The following CHCHD3 variants were observed in gnomAD, a reference collection of about 807,000 sequenced individuals.
CHCHD3 encodes coiled-coil-helix-coiled-coil-helix domain containing 3, also known as MICOS complex subunit MIC19.
A neutral mutation model predicts 38.2 loss-of-function variants in CHCHD3; 20 were observed. That is an observed-to-expected ratio of 0.52 (90% CI 0.37 to 0.76). The LOEUF is 0.76. CHCHD3 is among the 30% of genes least tolerant of loss of function. CHCHD3 has a pLI of 0.00. For synonymous variants in CHCHD3, 82 were observed against 100.0 expected (o/e 0.82, Z 1.07); for missense variants, 245 against 279.2 (o/e 0.88, Z 0.87).
chr7:133,023,789 T>A (rs1009065266), intron 3 of CHCHD3, among the ~76,000 whole-genome samples: 4 of 152,190 alleles, frequency 2.6e-5, no homozygotes, highest in Admixed American at 2.6e-4. Flanking sequence ...CTCGTCAACA[T>A]CTTTTTGAAT....
chr7:133,002,643 C>G (rs957891089), intron 3 of CHCHD3, among the ~76,000 whole-genome samples: 1 of 151,484 alleles, frequency 6.6e-6, no homozygotes, highest in Non-Finnish European at 1.5e-5. Flanking sequence ...TACAACATAG[C>G]TTCAATTTGT....
intron 5 of CHCHD3, among the ~76,000 whole-genome samples, chr7:132,854,297 T>C (rs940399484): frequency 6.6e-6 from 1 of 152,200 alleles, no homozygotes; most frequent in Non-Finnish European, 1.5e-5. Flanking sequence ...TAATAGATTA[T>C]TCATATAATG....
intron 4 of CHCHD3, among the ~76,000 whole-genome samples, chr7:132,940,397 G>C (rs1810735505): frequency 6.6e-6 from 1 of 152,120 alleles, no homozygotes; most frequent in Non-Finnish European, 1.5e-5. Flanking sequence ...ATATAACCAA[G>C]GCCTATCCCT....
At chr7:132,910,513 T>C (rs1809919706) in intron 4 of CHCHD3, among the ~76,000 whole-genome samples, 1 of 152,218 alleles carries the variant, frequency 6.6e-6, no homozygotes, top group South Asian at 2.1e-4. Flanking sequence ...TAGAACAAAG[T>C]ATATTTCTGC....
At chr7:132,787,521 G>A (rs1469951057) in intron 7 of CHCHD3, among the ~76,000 whole-genome samples, 1 of 151,896 alleles carries the variant, frequency 6.6e-6, no homozygotes, top group Non-Finnish European at 1.5e-5. Context: ...GGAAGGAGGA[G>A]GATGACTTAA....
rs2117012705 is a variant in CHCHD3 at position 132,785,478 on chromosome 7, A to G, written c.*159T>C. 2 of 729,618 alleles carry G rather than the reference A, an allele frequency of 2.7e-6. No homozygotes were observed. Among genetic ancestry groups the G allele is most frequent in the Non-Finnish European group, 4.7e-6 (2 of 426,828 alleles). 45.2% of individuals were successfully genotyped at this position (729,618 alleles called of 1,614,324 possible). A position where few individuals can be genotyped will look rare whatever the true frequency, so the allele number is the denominator to read the frequency against. On this transcript the variant is annotated 3_prime_UTR_variant, in exon 8 of 8. Coordinates refer to ENST00000262570, the MANE Select transcript of CHCHD3 (RefSeq NM_017812.4). ...TTGGCCCTTCAAACTGCTGCTGTTC[A>G]AAACGTGAAATGATTCTGCTGAATC...
intron 3 of CHCHD3, among the ~76,000 whole-genome samples, chr7:132,981,574 C>G (rs1212974833): frequency 6.6e-6 from 1 of 152,124 alleles, no homozygotes; most frequent in Non-Finnish European, 1.5e-5. Flanking sequence ...TAAATTATTA[C>G]CACCCCTTTC....
chr7:133,014,428 A>C (rs1212708820), intron 3 of CHCHD3, among the ~76,000 whole-genome samples: 3 of 152,182 alleles, frequency 2.0e-5, no homozygotes, highest in African/African-American at 7.2e-5. Context: ...TATAACTAAC[A>C]ATTGCTCCCA....
Position 133,035,867 on chromosome 7 carries a change from A to G in CHCHD3, c.170-11240T>C, listed in dbSNP as rs1584662644. The stretch of plus-strand genomic sequence containing the variant: ...CCCCGCTGTACTGAGCAGCGATGAG[A>G]GCCTTGAAGGCCCTCCAGTTTTCAG... On this transcript the variant is annotated intron_variant, in intron 2 of 7. Coordinates refer to ENST00000262570, the MANE Select transcript of CHCHD3 (RefSeq NM_017812.4). This position sits in a 1 kb window ranked among gnomAD's most constrained non-coding sequence, Gnocchi z 4.7. The G allele has an allele frequency of 6.2e-7, 1 of 1,613,028 alleles. No individual in the cohort carries two copies.
intron 4 of CHCHD3, chr7:132,972,476 G>C (rs546972299): frequency 1.6e-6 from 1 of 642,168 alleles, no homozygotes; most frequent in South Asian, 6.8e-5. Flanking sequence ...CTGAATTGTA[G>C]TACATTGAGT....
intron 1 of CHCHD3, among the ~76,000 whole-genome samples, chr7:133,072,001 A>T (rs1049319965): frequency 3.2e-4 from 49 of 152,088 alleles, no homozygotes; most frequent in African/African-American, 1.1e-3. Context: ...AAATATTCTA[A>T]AATTGCATTG....
At chr7:133,006,605 A>C (rs547649553) in intron 3 of CHCHD3, among the ~76,000 whole-genome samples, 7 of 152,330 alleles carry the variant, frequency 4.6e-5, no homozygotes, top group African/African-American at 1.7e-4. Flanking sequence ...CAAAGTTTGC[A>C]ACAGTGAGAA....
chr7:132,789,820 G>T (rs1806414922), intron 7 of CHCHD3, among the ~76,000 whole-genome samples: 1 of 152,028 alleles, frequency 6.6e-6, no homozygotes, highest in South Asian at 2.1e-4. Flanking sequence ...AAGCAGGAAG[G>T]TCTACCTAAC....
intron 4 of CHCHD3, among the ~76,000 whole-genome samples, chr7:132,890,114 C>G (rs1369629385): frequency 6.6e-6 from 1 of 152,052 alleles, no homozygotes; most frequent in Non-Finnish European, 1.5e-5. Flanking sequence ...TTAAGTGGAT[C>G]ATTATGGAAA....
Position 132,853,240 on chromosome 7 carries a change from G to A in CHCHD3, c.454-14771C>T, listed in dbSNP as rs77650726. On this transcript the variant is annotated intron_variant, in intron 5 of 7. Transcript: ENST00000262570. ...ATGAGGAGGTGCTCTGATGGTGTAC[G>A]CAAGGCAAAGCATCCTTAAGCTCAA... Among the ~76,000 whole-genome samples the A allele has an allele frequency of 1.6e-4, 24 of 152,250 alleles. No individual in the cohort carries two copies. The East Asian group carries it at 4.2e-3, about 27-fold the overall frequency.
At chr7:132,890,427 G>A (rs747397198) in intron 4 of CHCHD3, among the ~76,000 whole-genome samples, 2 of 152,056 alleles carry the variant, frequency 1.3e-5, no homozygotes, top group East Asian at 3.8e-4. Flanking sequence ...CACACTTTTC[G>A]GCATTACTAC....
intron 1 of CHCHD3, among the ~76,000 whole-genome samples, chr7:133,070,431 A>G: frequency 6.6e-6 from 1 of 152,086 alleles, no homozygotes; most frequent in Non-Finnish European, 1.5e-5. Flanking sequence ...CTACTCCTTT[A>G]TTTTTTCTAA....
chr7:132,885,954 C>G (rs1305888162), intron 4 of CHCHD3, among the ~76,000 whole-genome samples: 1 of 152,090 alleles, frequency 6.6e-6, no homozygotes, highest in Admixed American at 6.5e-5. Context: ...CCCGCTGTAA[C>G]AGCTGTGTCC....
chr7:132,971,572 C>T (rs909395537), intron 4 of CHCHD3, among the ~76,000 whole-genome samples: 2 of 152,000 alleles, frequency 1.3e-5, no homozygotes, highest in Admixed American at 6.6e-5. Context: ...CCTGGACTCA[C>T]ATCTAAGGAG....
Sources: gnomAD v4.1 joint callset for allele counts (sites outside exome capture counted in the v4.1 genomes callset) on GRCh38, gnomAD v4.1.1 for gene constraint, Gnocchi (gnomAD v3.1) non-coding constraint, MANE v1.5 for transcripts, NCBI Gene and HGNC (gene_info 2026-07-23, HGNC 2026-07-21) for gene names.